Variants in LOXHD1 observed in about 807,000 individuals in gnomAD.
LOXHD1 encodes lipoxygenase homology PLAT domains 1, also known as lipoxygenase homology domain-containing protein 1.
Under a neutral mutation model 248.2 loss-of-function variants are expected in LOXHD1, and 205 were observed. That is an observed-to-expected ratio of 0.83 (90% CI 0.74 to 0.93). The LOEUF is 0.93. LOXHD1 is among the 40% of genes least tolerant of loss of function. LOXHD1 has a pLI of 0.00. For synonymous variants in LOXHD1, 1,113 were observed against 1,162.8 expected (o/e 0.96, Z 0.87); for missense variants, 2,930 against 2,971.6 (o/e 0.99, Z 0.33).
intron 18 of LOXHD1, among the ~76,000 whole-genome samples, chr18:46,561,532 T>C (rs925483307): frequency 2.6e-5 from 4 of 152,210 alleles, no homozygotes; most frequent in Non-Finnish European, 4.4e-5. Flanking sequence ...GATGAGCCCC[T>C]GTCTGGGGTT....
At chr18:46,560,048 T>TGCCGGCCCCC in intron 19 of LOXHD1, 35 bp downstream of exon 19, 237 of 1,226,254 alleles carry the variant, frequency 1.9e-4, no homozygotes, top group Non-Finnish European at 2.5e-4. Flanking sequence ...GTCTGGCCAC[T>TGCCGGCCCCC]CCCTCCCCAC....
At position 46,566,335 on chromosome 18, in the gene LOXHD1, G is replaced by C. The variant is rs564297037; in HGVS notation, c.2359C>G (p.Arg787Gly). Reference protein sequence around the residue: ...QGKQYTFPANRWLDKNQADGR... With the variant: ...QGKQYTFPANGWLDKNQADGR... The stretch of plus-strand genomic sequence containing the variant: ...TCAGCCTGGTTCTTGTCCAGCCAGC[G>C]GTTGGCGGGAAAGGTGTACTGCTTG... Residue 787 changes from arginine (R) to glycine (G), a missense_variant, in exon 17 of 41, where the codon CGC becomes GGC. Coordinates refer to ENST00000642948, the MANE Select transcript of LOXHD1 (RefSeq NM_001384474.1). 1.3e-6 allele frequency: 2 copies of C among 1,551,868 alleles called. No individual in the cohort carries two copies. Among genetic ancestry groups the C allele is most frequent in the South Asian group, 2.4e-5 (2 of 84,060 alleles).
Position 46,566,443 on chromosome 18 carries a change from G to T in LOXHD1, c.2251C>A (p.Arg751=), listed in dbSNP as rs376539851. 245 of 1,549,294 alleles carry T rather than the reference G, an allele frequency of 1.6e-4. No individual in the cohort carries two copies. Among genetic ancestry groups the T allele is most frequent in the African/African-American group, 5.9e-4 (43 of 73,156 alleles). Residue 751 remains arginine (R), a synonymous_variant, in exon 17 of 41, where the codon CGG becomes AGG. Transcript: ENST00000642948. Reference sequence around the variant, plus strand: ...GTGCTGTCATGCCCAATCACCAGCCGGTTGATCTGAAGGAAACCCGAGTGA... The same window carrying T: ...GTGCTGTCATGCCCAATCACCAGCCTGTTGATCTGAAGGAAACCCGAGTGA... ...LETLNIGNIN[R]LVIGHDSTGM...
rs2038214545 is a variant in LOXHD1 at position 46,593,746 on chromosome 18, G to A, written c.1285C>T (p.Leu429=). ...KKRLKKFPWS[L]WVWTTDLKKA... The stretch of plus-strand genomic sequence containing the variant: ...TTTAGGTCGGTTGTCCAGACCCACA[G>A]GGACCAAGGGAATTCTGTAAGACAG... Residue 429 remains leucine (L), a synonymous_variant, in exon 10 of 41, where the codon CTG becomes TTG. Transcript: ENST00000642948. 1 of 1,551,902 alleles carries A rather than the reference G, an allele frequency of 6.4e-7. No homozygotes were observed. The highest frequency in any genetic ancestry group is 1.2e-5 in the South Asian group (1 of 84,058).
In LOXHD1 at chr18:46,594,360, A is replaced by G. The variant is rs933409420; in HGVS notation, c.1241T>C (p.Met414Thr). The change falls in exon 9 of 41, where the codon ATG becomes ACG. Residue 414 changes from methionine to threonine, a missense_variant. By Grantham distance (81) the Met-to-Thr change is moderately conservative (BLOSUM62 -1). Coordinates refer to ENST00000642948, the MANE Select transcript of LOXHD1 (RefSeq NM_001384474.1). ...CAGCCGCTTCTTCCTGAGAGACACC[A>G]TCTCATAGAGCTGCCTCTCAATCAA... ...DGLIERQLYE[M>T]VSLRKKRLKK... is the part of the protein sequence containing the mutation. The G allele has an allele frequency of 3.2e-6, 5 of 1,551,476 alleles. No homozygotes were observed. The African/African-American group carries it at 6.8e-5, about 21-fold the overall frequency.
intron 4 of LOXHD1, among the ~76,000 whole-genome samples, chr18:46,631,870 C>A (rs1318277766): frequency 6.6e-6 from 1 of 152,206 alleles, no homozygotes; most frequent in Non-Finnish European, 1.5e-5. Context: ...CAGATTAGCA[C>A]AGGGTGTCTA....
At chr18:46,503,758 T>C (rs1251157761) in intron 37 of LOXHD1, among the ~76,000 whole-genome samples, 1 of 152,198 alleles carries the variant, frequency 6.6e-6, no homozygotes. Flanking sequence ...TTCCACTGCA[T>C]GCTTTTCTGG....
chr18:46,583,071 TCTAA>T (rs1183799707), intron 12 of LOXHD1, among the ~76,000 whole-genome samples: 11 of 152,158 alleles, frequency 7.2e-5, no homozygotes, highest in Admixed American at 7.2e-4. Flanking sequence ...GGATAATGGA[TCTAA>T]CTATCTTCTA....
rs1222642400 is a variant in LOXHD1 at position 46,538,283 on chromosome 18, T to A, written c.3968A>T (p.Asp1323Val). 1.9e-6 allele frequency: 3 copies of A among 1,551,544 alleles called. No homozygotes were observed. The highest frequency in any genetic ancestry group is 2.6e-6 in the Non-Finnish European group (3 of 1,146,828). Reference protein sequence around the residue: ...YTSDVFAAGTDANIFIIIYGC... With the variant: ...YTSDVFAAGTVANIFIIIYGC... ...ATAGATGATGATGAAGATGTTGGCATCTGTCCCAGCAGCAAAGACATCACT... is the reference window on the plus strand; with the variant it reads ...ATAGATGATGATGAAGATGTTGGCAACTGTCCCAGCAGCAAAGACATCACT... Residue 1323 changes from aspartate (D) to valine (V), a missense_variant, in exon 26 of 41, where the codon GAT (aspartate) becomes GTT (valine). Physicochemically the swap from Asp to Val is radical, Grantham distance 152. Transcript: ENST00000642948.
Position 46,587,550 on chromosome 18 carries a change from G to A in LOXHD1, c.1654+4383C>T, listed in dbSNP as rs9961580. ...AACACCCCAGCCATGGATGTCCCGAGCTCCTTCCTGGCAAGAAGTCTGTGG... is the reference window on the plus strand; with the variant it reads ...AACACCCCAGCCATGGATGTCCCGAACTCCTTCCTGGCAAGAAGTCTGTGG... On this transcript the variant is annotated intron_variant, in intron 12 of 40. Coordinates refer to ENST00000642948, the MANE Select transcript of LOXHD1 (RefSeq NM_001384474.1). Among the ~76,000 whole-genome samples, 631 of 152,316 alleles carry A rather than the reference G, an allele frequency of 4.1e-3. 3 individuals carry two copies. Among genetic ancestry groups the A allele is most frequent in the African/African-American group, 0.015 (613 of 41,576 alleles).
At chr18:46,481,207 T>C (rs1470721357) in intron 40 of LOXHD1, among the ~76,000 whole-genome samples, 2 of 152,236 alleles carry the variant, frequency 1.3e-5, no homozygotes, top group Admixed American at 1.3e-4. Context: ...TGTAGGTTCC[T>C]TCTAGAATGA....
intron 34 of LOXHD1, among the ~76,000 whole-genome samples, chr18:46,514,293 T>C (rs1269320584): frequency 6.6e-6 from 1 of 152,126 alleles, no homozygotes; most frequent in Admixed American, 6.5e-5. Context: ...ACTTTTCAAT[T>C]GCCTGACTCG....
At chr18:46,591,799 C>G in intron 12 of LOXHD1, 134 bp downstream of exon 12, 1 of 1,143,600 alleles carries the variant, frequency 8.7e-7, no homozygotes, top group Non-Finnish European at 1.2e-6. Context: ...CAGGGACCTT[C>G]CAAATCCACT....
intron 5 of LOXHD1, among the ~76,000 whole-genome samples, chr18:46,613,907 ATATT>A (rs2038544982): frequency 1.3e-5 from 2 of 152,226 alleles, no homozygotes; most frequent in African/African-American, 2.4e-5. Context: ...ACATATCTAT[ATATT>A]TATTTATCAA....
chr18:46,527,514 C>T (rs2035879029), intron 29 of LOXHD1, among the ~76,000 whole-genome samples: 1 of 152,182 alleles, frequency 6.6e-6, no homozygotes, highest in South Asian at 2.1e-4. Context: ...AAAGGAGGCA[C>T]ATAGATGTTA....
intron 30 of LOXHD1, 47 bp from the exon 31 acceptor site, chr18:46,524,648 C>T: frequency 6.4e-7 from 1 of 1,551,278 alleles, no homozygotes; most frequent in Non-Finnish European, 8.7e-7. Flanking sequence ...GCACCTCCAC[C>T]TCGAGGGACC....
chr18:46,546,559 A>G (rs1032600718), intron 22 of LOXHD1, among the ~76,000 whole-genome samples: 2 of 150,666 alleles, frequency 1.3e-5, no homozygotes, highest in African/African-American at 4.9e-5. Context: ...AACCCATCCC[A>G]TTTCATTCCA....
intron 14 of LOXHD1, among the ~76,000 whole-genome samples, chr18:46,573,757 T>A (rs2037801949): frequency 6.6e-6 from 1 of 152,198 alleles, no homozygotes; most frequent in Non-Finnish European, 1.5e-5. Flanking sequence ...AAACACAAGA[T>A]CTGACATTCC....
Position 46,559,594 on chromosome 18 carries a change from A to G in LOXHD1, c.3070T>C (p.Tyr1024His). The change falls in exon 20 of 41, where the codon TAT becomes CAT. Residue 1024 changes from tyrosine (Y) to histidine (H), a missense_variant. Tyr to His is a moderately conservative substitution (Grantham distance 83). Coordinates refer to ENST00000642948, the MANE Select transcript of LOXHD1 (RefSeq NM_001384474.1). The part of the protein sequence containing the change: ...AGKPGPERNT[Y>H]EVQVVTGNVP... Reference sequence around the variant, plus strand: ...TTCCCCGTGACCACCTGAACCTCATAGGTGTTTCCTGTAGACACAGAAAGA... The same window carrying G: ...TTCCCCGTGACCACCTGAACCTCATGGGTGTTTCCTGTAGACACAGAAAGA... 1 of 1,551,748 alleles carries G rather than the reference A, an allele frequency of 6.4e-7. No homozygotes were observed. The highest frequency in any genetic ancestry group is 8.7e-7 in the Non-Finnish European group (1 of 1,146,970).
Sources: allele counts gnomAD v4.1 joint callset (sites outside exome capture counted in the v4.1 genomes callset), GRCh38; gene constraint gnomAD v4.1.1; transcripts MANE v1.5; gene names NCBI Gene and HGNC (gene_info 2026-07-23, HGNC 2026-07-21).